The following WWP1 variants were observed in gnomAD, a reference collection of about 807,000 sequenced individuals.
WWP1 encodes NEDD4-like E3 ubiquitin-protein ligase WWP1.
A neutral mutation model predicts 130.6 loss-of-function variants in WWP1; 49 were observed. The observed-to-expected ratio is 0.38, with a 90% CI of 0.30 to 0.48. WWP1 has a LOEUF of 0.48. Ranked by LOEUF, WWP1 falls within the 20% of genes least tolerant of loss-of-function variation. The probability of loss-of-function intolerance (pLI) is 0.99; values close to 1 mark genes in which losing one functional copy is unlikely to be tolerated. For synonymous variants in WWP1, 332 were observed against 367.8 expected (o/e 0.90, Z 1.11); for missense variants, 809 against 1,100.6 (o/e 0.74, Z 3.75).
chr8:86,412,019 C>T, intron 9 of WWP1, 145 bp downstream of exon 9: 1 of 799,072 alleles, frequency 1.3e-6, no homozygotes, highest in Non-Finnish European at 1.9e-6. Flanking sequence ...TATTTACTTG[C>T]TACAAAACAA....
At chr8:86,389,742 C>T (rs994629501) in intron 5 of WWP1, among the ~76,000 whole-genome samples, 4 of 147,732 alleles carry the variant, frequency 2.7e-5, no homozygotes, top group South Asian at 2.2e-4. Flanking sequence ...CGGGCAGAGG[C>T]GCCCCCCCAC....
At chr8:86,344,031 A>C (rs578129604) in intron 1 of WWP1, among the ~76,000 whole-genome samples, 205 of 152,070 alleles carry the variant, frequency 1.3e-3, no homozygotes, top group African/African-American at 4.8e-3. Context: ...ATCTGTGTGT[A>C]TTATACAAGC....
At chr8:86,346,592 G>A (rs1478891976) in intron 1 of WWP1, among the ~76,000 whole-genome samples, 3 of 152,144 alleles carry the variant, frequency 2.0e-5, no homozygotes, top group Non-Finnish European at 2.9e-5. Flanking sequence ...AGTGTAGTGC[G>A]ATTGGTAAAC....
At position 86,388,526 on chromosome 8, in the gene WWP1, G is replaced by A. The variant is rs149755978; in HGVS notation, c.334+6897G>A. Among the ~76,000 whole-genome samples the A allele has an allele frequency of 8.5e-5, 13 of 152,054 alleles. No homozygotes were observed. The East Asian group carries it at 2.5e-3, about 29-fold the overall frequency. On this transcript the variant is annotated intron_variant, in intron 5 of 24. Transcript: ENST00000517970. ...GCCATTTGTCTTTTATGTTTCCCCTGGCACACTTTTTGATATAATCTAATC... is the reference window on the plus strand; with the variant it reads ...GCCATTTGTCTTTTATGTTTCCCCTAGCACACTTTTTGATATAATCTAATC...
chr8:86,343,028 G>A (rs1822311439), intron 1 of WWP1, 98 bp downstream of exon 1: 2 of 300,954 alleles, frequency 6.6e-6, no homozygotes, highest in Non-Finnish European at 1.2e-5. Context: ...GCCCGGCGCC[G>A]TCCGCCCCCG....
At position 86,461,308 on chromosome 8, in the gene WWP1, G is replaced by A; in HGVS notation, c.2584G>A (p.Ala862Thr). The change falls in exon 23 of 25, where the codon GCT (alanine) becomes ACT (threonine). Residue 862 changes from alanine to threonine, a missense_variant. Ala to Thr is a moderately conservative substitution (Grantham distance 58, BLOSUM62 0). Coordinates refer to ENST00000517970, the MANE Select transcript of WWP1 (RefSeq NM_007013.4). ...GTCRLPLGGF[A>T]ELMGSNGPQK... Reference sequence around the variant, plus strand: ...CTGCCGTTTACCTCTAGGAGGATTTGCTGAGCTCATGGGTAAATGTAATTT... The same window carrying A: ...CTGCCGTTTACCTCTAGGAGGATTTACTGAGCTCATGGGTAAATGTAATTT... The A allele has an allele frequency of 2.5e-6, 4 of 1,613,778 alleles. No individual in the cohort carries two copies. Among genetic ancestry groups the A allele is most frequent in the Non-Finnish European group, 3.4e-6 (4 of 1,179,752 alleles).
At chr8:86,345,509 A>T (rs1187602241) in intron 1 of WWP1, among the ~76,000 whole-genome samples, 4 of 152,106 alleles carry the variant, frequency 2.6e-5, no homozygotes, top group African/African-American at 9.7e-5. Flanking sequence ...TCCCAGGCTC[A>T]AGAGATTCTC....
intron 11 of WWP1, among the ~76,000 whole-genome samples, chr8:86,429,947 C>A (rs1373995137): frequency 2.0e-5 from 3 of 152,060 alleles, no homozygotes; most frequent in African/African-American, 7.2e-5. Context: ...ACCTGTAATC[C>A]CAGCACTGTG....
chr8:86,406,199 A>G (rs1808270507), intron 8 of WWP1, among the ~76,000 whole-genome samples: 1 of 152,206 alleles, frequency 6.6e-6, no homozygotes, highest in South Asian at 2.1e-4. Context: ...AACATCCTCA[A>G]AATTTATGAA....
intron 5 of WWP1, among the ~76,000 whole-genome samples, chr8:86,382,126 C>T (rs1288659878): frequency 6.6e-6 from 1 of 152,070 alleles, no homozygotes; most frequent in Non-Finnish European, 1.5e-5. Context: ...AATTTGGTCA[C>T]TGTCCTTTTG....
chr8:86,363,478 T>C (rs1488020649), intron 1 of WWP1, among the ~76,000 whole-genome samples: 1 of 152,064 alleles, frequency 6.6e-6, no homozygotes, highest in East Asian at 1.9e-4. Context: ...TAAGTTTTTT[T>C]TTAACAAAGG....
Position 86,435,462 on chromosome 8 carries a change from G to A in WWP1, c.1612G>A (p.Gly538Ser), listed in dbSNP as rs778649126. The A allele has an allele frequency of 4.3e-6, 7 of 1,614,010 alleles. No individual in the cohort carries two copies. The East Asian group carries it at 1.1e-4, about 26-fold the overall frequency. The change falls in exon 15 of 25, where the codon GGT becomes AGT. Residue 538 changes from glycine (G) to serine (S), a missense_variant. This residue lies in a region of WWP1 where 450 missense variants were observed against 674.2 expected (regional missense o/e 0.67). Transcript: ENST00000517970. ...TTTGTTTTTCTTTAGAACTAAAGGT[G>A]GTCCACAAATTGCTTATGAACGCGG... ...RNGKSSVTKG[G>S]PQIAYERGFR...
intron 5 of WWP1, among the ~76,000 whole-genome samples, chr8:86,393,489 C>T (rs954073850): frequency 5.9e-5 from 9 of 152,046 alleles, no homozygotes; most frequent in Non-Finnish European, 1.2e-4. Flanking sequence ...GTGATCCACC[C>T]ACCTCAGCCT....
chr8:86,396,802 G>A (rs1241097415), intron 5 of WWP1, among the ~76,000 whole-genome samples: 1 of 152,054 alleles, frequency 6.6e-6, no homozygotes, highest in African/African-American at 2.4e-5. Context: ...GTCTTGCTAT[G>A]TTGGCCAGGT....
At chr8:86,346,560 A>C (rs1415155936) in intron 1 of WWP1, among the ~76,000 whole-genome samples, 1 of 152,236 alleles carries the variant, frequency 6.6e-6, no homozygotes, top group African/African-American at 2.4e-5. Context: ...GGGTGGATTA[A>C]GTAGCTAGCT....
rs1807799581 is a variant in WWP1 at position 86,398,492 on chromosome 8, T to C, written c.472+13T>C. On this transcript the variant is annotated intron_variant, in intron 6 of 24. Transcript: ENST00000517970. The stretch of plus-strand genomic sequence containing the variant: ...TCATCTCCAACCAGTAAGCTAACTT[T>C]ATATGTTTGTAAAATTTCAAGGAAA... The C allele has an allele frequency of 6.2e-7, 1 of 1,609,866 alleles. No individual in the cohort carries two copies. Among genetic ancestry groups the C allele is most frequent in the African/African-American group, 1.3e-5 (1 of 74,586 alleles).
At chr8:86,360,244 G>GT (rs771555722) in intron 1 of WWP1, among the ~76,000 whole-genome samples, 5 of 151,684 alleles carry the variant, frequency 3.3e-5, no homozygotes, top group South Asian at 2.1e-4. Flanking sequence ...GTTTCTGGTG[G>GT]TTTTTTTTGC....
intron 1 of WWP1, among the ~76,000 whole-genome samples, chr8:86,361,509 T>G (rs1823595314): frequency 6.6e-6 from 1 of 152,184 alleles, no homozygotes; most frequent in Non-Finnish European, 1.5e-5. Flanking sequence ...ATGGCTTTCC[T>G]GGTATTCTTC....
intron 5 of WWP1, among the ~76,000 whole-genome samples, chr8:86,397,405 T>C (rs1488368315): frequency 2.1e-5 from 3 of 143,642 alleles, no homozygotes; most frequent in Non-Finnish European, 4.5e-5. Flanking sequence ...TGTGGAATAA[T>C]TAAACCAAAC....
Sources: allele counts gnomAD v4.1 joint callset (sites outside exome capture counted in the v4.1 genomes callset), GRCh38; gene constraint gnomAD v4.1.1; regional missense constraint gnomAD v4.1.1; transcripts MANE v1.5; gene names NCBI Gene and HGNC (gene_info 2026-07-23, HGNC 2026-07-21).